The following SRGAP3 variants were observed in gnomAD, a reference collection of about 807,000 sequenced individuals.
The protein encoded by SRGAP3 is SLIT-ROBO Rho GTPase activating protein 3, also known as SLIT-ROBO Rho GTPase-activating protein 3.
In SRGAP3, 39 loss-of-function variants were observed where a neutral mutation model predicts 121.1. The observed-to-expected ratio is 0.32, with a 90% CI of 0.25 to 0.42. The LOEUF (loss-of-function observed/expected upper bound fraction) is 0.42, where lower values mean the gene tolerates loss of function less well. Ranked by LOEUF, SRGAP3 falls within the 10% of genes least tolerant of loss-of-function variation. The probability of loss-of-function intolerance (pLI) is 1.00; values close to 1 mark genes in which losing one functional copy is unlikely to be tolerated. For missense variants in SRGAP3, 1,213 were observed against 1,470.6 expected, an observed-to-expected ratio of 0.82 and a Z score of 2.86; for synonymous variants, 601 against 570.0, an observed-to-expected ratio of 1.05 and a Z score of -0.77.
At chr3:9,337,327 T>C (rs1955709757) in intron 1 of SRGAP3, among the ~76,000 whole-genome samples, 2 of 152,204 alleles carry the variant, frequency 1.3e-5, no homozygotes, top group Admixed American at 6.5e-5. Flanking sequence ...CTAGTCAATT[T>C]GACACACAAA....
chr3:9,303,666 A>G (rs1337307713), intron 3 of SRGAP3, among the ~76,000 whole-genome samples: 1 of 152,222 alleles, frequency 6.6e-6, no homozygotes, highest in Non-Finnish European at 1.5e-5. Flanking sequence ...CAAAATAGCC[A>G]TGAGGAAGGT....
intron 1 of SRGAP3, among the ~76,000 whole-genome samples, chr3:9,336,882 G>A (rs1955701604): frequency 6.6e-6 from 1 of 152,076 alleles, no homozygotes; most frequent in African/African-American, 2.4e-5. Context: ...TATAGAGGCT[G>A]CCAATTTCTC....
chr3:9,086,517 C>CAA (rs1242587521), intron 3 of SRGAP3, among the ~76,000 whole-genome samples: 145 of 87,048 alleles, frequency 1.7e-3, no homozygotes, highest in African/African-American at 5.8e-3. Context: ...GAGACTGTTT[C>CAA]AAAAAAAAAA....
intron 1 of SRGAP3, 99 bp from the exon 2 acceptor site, chr3:9,125,016 CCCT>C (rs892590167): frequency 7.2e-6 from 10 of 1,388,460 alleles, no homozygotes; most frequent in Non-Finnish European, 1.0e-5. Context: ...TCAGGCAGCT[CCCT>C]CCTAACACCA....
At chr3:9,031,743 G>A (rs771814322) in intron 12 of SRGAP3, among the ~76,000 whole-genome samples, 92 of 152,182 alleles carry the variant, frequency 6.0e-4, no homozygotes, top group Non-Finnish European at 8.7e-4. Flanking sequence ...CAAATCATTG[G>A]CAAAGCCCAG....
At chr3:9,123,360 T>C (rs918703216) in intron 2 of SRGAP3, among the ~76,000 whole-genome samples, 3 of 146,816 alleles carry the variant, frequency 2.0e-5, no homozygotes, top group African/African-American at 7.8e-5. Context: ...GTGTGCTTTG[T>C]CACAATTAAA....
chr3:9,280,973 G>C (rs562046558), intron 3 of SRGAP3, among the ~76,000 whole-genome samples: 7 of 152,116 alleles, frequency 4.6e-5, no homozygotes, highest in African/African-American at 9.7e-5. Flanking sequence ...GAATTGTTGG[G>C]GGTGGTGGGA....
chr3:9,359,081 G>A (rs758578699), intron 1 of SRGAP3, among the ~76,000 whole-genome samples: 25 of 152,092 alleles, frequency 1.6e-4, no homozygotes, highest in Non-Finnish European at 3.4e-4. Context: ...TATGGTGGGG[G>A]GATATAAATT....
At chr3:9,348,646 C>T in intron 1 of SRGAP3, 2 of 1,069,694 alleles carry the variant, frequency 1.9e-6, no homozygotes, top group Non-Finnish European at 2.9e-6. Context: ...ACCCTCTGGA[C>T]AGTGCTAGAT....
At chr3:9,230,844 A>G (rs1351508088) in intron 1 of SRGAP3, among the ~76,000 whole-genome samples, 3 of 150,588 alleles carry the variant, frequency 2.0e-5, no homozygotes, top group Admixed American at 6.6e-5. Flanking sequence ...CAGCCTGAGT[A>G]AGACCCTATC....
At chr3:9,138,740 G>A (rs1462283455) in intron 1 of SRGAP3, among the ~76,000 whole-genome samples, 1 of 152,192 alleles carries the variant, frequency 6.6e-6, no homozygotes, top group Admixed American at 6.5e-5. Context: ...GATACACAAC[G>A]CACAGTTTAT....
intron 1 of SRGAP3, among the ~76,000 whole-genome samples, chr3:9,144,538 G>A (rs1949961191): frequency 6.6e-6 from 1 of 152,246 alleles, no homozygotes; most frequent in Non-Finnish European, 1.5e-5. Flanking sequence ...CCCAGGAGGA[G>A]GTAGTTGAAT....
At chr3:9,197,762 C>T (rs1003170335) in intron 1 of SRGAP3, among the ~76,000 whole-genome samples, 1 of 152,200 alleles carries the variant, frequency 6.6e-6, no homozygotes, top group African/African-American at 2.4e-5. Flanking sequence ...TCTCTAACTA[C>T]ATTGTTATTA....
chr3:9,229,449 C>G (rs542064367), intron 1 of SRGAP3, among the ~76,000 whole-genome samples: 1 of 152,152 alleles, frequency 6.6e-6, no homozygotes, highest in Non-Finnish European at 1.5e-5. Flanking sequence ...CAGGTGTGGG[C>G]CCGGACAGAG....
chr3:9,303,839 A>G (rs1035044718), intron 3 of SRGAP3, among the ~76,000 whole-genome samples: 3 of 152,196 alleles, frequency 2.0e-5, no homozygotes, highest in African/African-American at 7.2e-5. Flanking sequence ...ATCTTAAAAT[A>G]AGGAAACTGA....
At chr3:9,013,905 C>T (rs899090396) in intron 15 of SRGAP3, 63 bp from the exon 16 acceptor site, 21 of 1,497,500 alleles carry the variant, frequency 1.4e-5, no homozygotes, top group South Asian at 5.7e-5. Flanking sequence ...AACAAACATT[C>T]GCTCGCCACA....
At chr3:9,054,028 C>T (rs188314224) in intron 8 of SRGAP3, among the ~76,000 whole-genome samples, 100 of 150,038 alleles carry the variant, frequency 6.7e-4, no homozygotes, top group Non-Finnish European at 1.1e-3. Context: ...CTCCTGGTGA[C>T]ATTGGTCCCC....
At chr3:9,131,166 AAAAAT>A (rs1427717997) in intron 1 of SRGAP3, among the ~76,000 whole-genome samples, 3 of 152,364 alleles carry the variant, frequency 2.0e-5, no homozygotes, top group African/African-American at 7.2e-5. Context: ...TCAAAGAGAG[AAAAAT>A]AAAATAAAAT....
At chr3:9,304,614 C>A (rs149370225) in intron 3 of SRGAP3, among the ~76,000 whole-genome samples, 232 of 152,256 alleles carry the variant, frequency 1.5e-3, no homozygotes, top group African/African-American at 5.2e-3. Flanking sequence ...CAAGCTACAG[C>A]GAGTGGCCGG....
Sources: allele counts gnomAD v4.1 joint callset (sites outside exome capture counted in the v4.1 genomes callset), GRCh38; gene constraint gnomAD v4.1.1; transcripts MANE v1.5; gene names NCBI Gene and HGNC (gene_info 2026-07-23, HGNC 2026-07-21).